NLRP14: variants seen among roughly 807,000 people sequenced by gnomAD.
NLRP14 encodes NLR family pyrin domain containing 14, also known as NACHT, LRR and PYD domains-containing protein 14.
A neutral mutation model predicts 94.7 loss-of-function variants in NLRP14; 105 were observed. The ratio of observed to expected loss-of-function variants is 1.11; its 90% confidence interval spans 0.95 to 1.30. The LOEUF is 1.30. NLRP14 is among the 50% of genes most tolerant of loss of function. NLRP14 has a pLI of 0.00. For synonymous variants in NLRP14, 508 were observed against 459.9 expected, an observed-to-expected ratio of 1.10 and a Z score of -1.34; for missense variants, 1,362 against 1,254.1, an observed-to-expected ratio of 1.09 and a Z score of -1.30.
At chr11:7,070,527 C>T (rs929404266) in intron 11 of NLRP14, 71 bp downstream of exon 11, 135 of 1,074,790 alleles carry the variant, frequency 1.3e-4, no homozygotes, top group Non-Finnish European at 1.8e-4. Context: ...CTCATTAATA[C>T]AGGCCTCAGA....
At chr11:7,061,026 G>C (rs924879224) in intron 9 of NLRP14, among the ~76,000 whole-genome samples, 7 of 151,996 alleles carry the variant, frequency 4.6e-5, no homozygotes, top group Non-Finnish European at 2.9e-5. Context: ...GGCCTCCCAA[G>C]TGACCAGCAA....
chr11:7,069,864 T>C (rs1852765528), intron 10 of NLRP14, among the ~76,000 whole-genome samples: 1 of 152,062 alleles, frequency 6.6e-6, no homozygotes, highest in Non-Finnish European at 1.5e-5. Flanking sequence ...TAACCTCAGA[T>C]GATCTGCCCA....
chr11:7,056,576 G>A (rs1362092409), intron 6 of NLRP14, among the ~76,000 whole-genome samples: 1 of 146,144 alleles, frequency 6.8e-6, no homozygotes, highest in Non-Finnish European at 1.5e-5. Flanking sequence ...AAGAGAAAAT[G>A]AACTATCAAG....
chr11:7,043,260 G>A lies in NLRP14; in HGVS notation c.1234G>A (p.Asp412Asn). The A allele has an allele frequency of 6.2e-7, 1 of 1,614,202 alleles. No homozygotes were observed. Among genetic ancestry groups the A allele is most frequent in the Non-Finnish European group, 8.5e-7 (1 of 1,180,026 alleles). Residue 412 changes from aspartate (D) to asparagine (N), a missense_variant, in exon 4 of 12, where the codon GAT (aspartate) becomes AAT (asparagine). By Grantham distance (23) the Asp-to-Asn change is conservative. Coordinates refer to ENST00000299481, the MANE Select transcript of NLRP14 (RefSeq NM_176822.4). ...CYISSLFTPV[D>N]GGSPSLPNQA... ...TATTTCTAGCTTGTTCACACCAGTA[G>A]ATGGAGGCTCTCCTAGTCTACCCAA...
At position 7,023,479 on chromosome 11, in the gene NLRP14, AATAT is replaced by A. The variant is rs200176491; in HGVS notation, c.-22+2713_-22+2716del. Among the ~76,000 whole-genome samples the A allele has an allele frequency of 2.3e-3, 334 of 145,760 alleles. 1 individual carries two copies. The highest frequency in any genetic ancestry group is 3.6e-3 in the Middle Eastern group (1 of 276). The stretch of plus-strand genomic sequence containing the variant: ...ATGTATAAATCTATTTTTACACAAA[AATAT>A]ATAAGTATAAATATATAAAAATTTA... On this transcript the variant is annotated intron_variant, in intron 1 of 11. Transcript: ENST00000299481.
chr11:7,026,839 T>C (rs1333651750), intron 1 of NLRP14, among the ~76,000 whole-genome samples: 2 of 150,676 alleles, frequency 1.3e-5, no homozygotes, highest in Admixed American at 6.6e-5. Flanking sequence ...GAGGGATAGC[T>C]TTAGGAGATA....
chr11:7,089,319 A>G, the NLRP14 span: 6 of 1,607,158 alleles, frequency 3.7e-6, no homozygotes, highest in Middle Eastern at 1.7e-4. Flanking sequence ...GGCCGCCGCC[A>G]GAGACATGAA....
At chr11:7,051,843 G>A (rs1005346238) in intron 6 of NLRP14, among the ~76,000 whole-genome samples, 4 of 152,092 alleles carry the variant, frequency 2.6e-5, no homozygotes, top group Non-Finnish European at 5.9e-5. Context: ...GGATGGTCTC[G>A]ATCTCCTGAC....
chr11:7,087,582 C>G, the NLRP14 span, among the ~76,000 whole-genome samples: 1 of 151,946 alleles, frequency 6.6e-6, no homozygotes, highest in African/African-American at 2.4e-5. Flanking sequence ...GATATACACA[C>G]GTAAAATTAA....
chr11:7,049,813 C>G lies in NLRP14; in HGVS notation c.2266C>G (p.Pro756Ala). The change falls in exon 6 of 12, where the codon CCA becomes GCA. Residue 756 changes from proline (P) to alanine (A), a missense_variant. Physicochemically the swap from Pro to Ala is conservative, Grantham distance 27. Coordinates refer to ENST00000299481, the MANE Select transcript of NLRP14 (RefSeq NM_176822.4). ...VKSLCEALKH[P>A]ECKLQTLRLE... is the part of the protein sequence containing the mutation. ...GTCATTGTGTGAGGCCTTGAAACAC[C>G]CAGAGTGTAAACTACAGACTCTCAG... is the stretch of plus-strand genomic sequence containing the variant. 1 of 1,612,468 alleles carries G rather than the reference C, an allele frequency of 6.2e-7. No individual in the cohort carries two copies. The highest frequency in any genetic ancestry group is 8.5e-7 in the Non-Finnish European group (1 of 1,178,664).
At chr11:7,045,166 A>G (rs939837698) in intron 4 of NLRP14, among the ~76,000 whole-genome samples, 2 of 152,176 alleles carry the variant, frequency 1.3e-5, no homozygotes, top group African/African-American at 2.4e-5. Context: ...AAACTGTGGG[A>G]GTAGAAATTG....
intron 3 of NLRP14, among the ~76,000 whole-genome samples, chr11:7,042,187 C>T (rs1273020089): frequency 6.6e-6 from 1 of 151,900 alleles, no homozygotes; most frequent in Non-Finnish European, 1.5e-5. Context: ...GTTTTTATTA[C>T]AGTATCTAAT....
chr11:7,041,221 A>G (rs902988397), intron 3 of NLRP14, among the ~76,000 whole-genome samples: 3 of 152,080 alleles, frequency 2.0e-5, no homozygotes, highest in African/African-American at 4.8e-5. Flanking sequence ...TTTAGTTATC[A>G]TTTGTTTATG....
chr11:7,086,531 G>C, the NLRP14 span, among the ~76,000 whole-genome samples: 1 of 152,170 alleles, frequency 6.6e-6, no homozygotes. Flanking sequence ...ATTGCTTAAA[G>C]GCAGAATTTA....
chr11:7,089,944 G>A, the NLRP14 span: 4 of 1,613,090 alleles, frequency 2.5e-6, no homozygotes, highest in South Asian at 2.2e-5. Flanking sequence ...GATCATCTGA[G>A]CAGAGGCTCC....
chr11:7,084,795 G>T, the NLRP14 span, among the ~76,000 whole-genome samples: 1 of 152,214 alleles, frequency 6.6e-6, no homozygotes, highest in Non-Finnish European at 1.5e-5. Flanking sequence ...AGAGGGTTGT[G>T]GGAATCCCCA....
At chr11:7,065,924 G>T (rs1306097306) in intron 10 of NLRP14, among the ~76,000 whole-genome samples, 1 of 151,990 alleles carries the variant, frequency 6.6e-6, no homozygotes. Context: ...TGTTCTCATT[G>T]TTCAACTCCC....
chr11:7,034,916 A>G (rs773193300), intron 1 of NLRP14, among the ~76,000 whole-genome samples: 15 of 152,182 alleles, frequency 9.9e-5, no homozygotes, highest in Admixed American at 1.3e-4. Flanking sequence ...CTCTTCTATA[A>G]TATATTGAAA....
chr11:7,027,264 T>C (rs745731567), intron 1 of NLRP14, among the ~76,000 whole-genome samples: 1 of 151,844 alleles, frequency 6.6e-6, no homozygotes, highest in Non-Finnish European at 1.5e-5. Context: ...TAGGCTCTTA[T>C]AACAAAATAC....
Sources: gnomAD v4.1 joint callset for allele counts (sites outside exome capture counted in the v4.1 genomes callset) on GRCh38, gnomAD v4.1.1 for gene constraint, MANE v1.5 for transcripts, NCBI Gene and HGNC (gene_info 2026-07-23, HGNC 2026-07-21) for gene names.